The following DIAPH2 variants were observed in gnomAD, a reference collection of about 807,000 sequenced individuals.
DIAPH2 encodes the protein protein diaphanous homolog 2.
Under a neutral mutation model 92.7 loss-of-function variants are expected in DIAPH2, and 35 were observed. That is an observed-to-expected ratio of 0.38 (90% CI 0.29 to 0.50). DIAPH2 has a LOEUF of 0.50. DIAPH2 is among the 20% of genes least tolerant of loss of function. The pLI is 0.94. For missense variants in DIAPH2, 701 were observed against 819.5 expected, an observed-to-expected ratio of 0.86 and a Z score of 1.77; for synonymous variants, 301 against 280.4, an observed-to-expected ratio of 1.07 and a Z score of -0.73.
intron 4 of DIAPH2, among the ~76,000 whole-genome samples, chrX:96,875,809 C>T (rs1267368174): frequency 9.1e-6 from 1 of 110,400 alleles, no homozygotes; most frequent in Non-Finnish European, 1.9e-5. Context: ...ACCATAAAAC[C>T]CTAGAAGAAA....
intron 26 of DIAPH2, 76 bp downstream of exon 26, chrX:97,429,821 AAGG>A: frequency 1.0e-6 from 1 of 961,010 alleles, no homozygotes; most frequent in Non-Finnish European, 1.4e-6. Flanking sequence ...AAAAAAAAAA[AAGG>A]AAAAATAAAA....
At chrX:97,468,134 T>C (rs1409245927) in intron 26 of DIAPH2, among the ~76,000 whole-genome samples, 1 of 111,952 alleles carries the variant, frequency 8.9e-6, no homozygotes, top group African/African-American at 3.2e-5. Flanking sequence ...CCACATTGCA[T>C]CCCTTCTGCC....
chrX:96,714,613 T>C (rs1049612531), intron 1 of DIAPH2, among the ~76,000 whole-genome samples: 2 of 112,145 alleles, frequency 1.8e-5, no homozygotes, highest in African/African-American at 6.5e-5. Flanking sequence ...GTAAGCTCTA[T>C]GAAAGCATGG....
chrX:96,986,638 A>G (rs970023022), intron 17 of DIAPH2, among the ~76,000 whole-genome samples: 1 of 111,602 alleles, frequency 9.0e-6, no homozygotes, highest in Non-Finnish European at 1.9e-5. Context: ...TCATATTTAC[A>G]TAACAGAAAT....
chrX:97,494,005 T>G (rs1372929529), intron 26 of DIAPH2, among the ~76,000 whole-genome samples: 1 of 108,803 alleles, frequency 9.2e-6, no homozygotes, highest in Non-Finnish European at 1.9e-5. Flanking sequence ...TCACTTGAGG[T>G]CAGGAGTTTG....
chrX:97,478,970 A>G (rs1030559569), intron 26 of DIAPH2, among the ~76,000 whole-genome samples: 1 of 111,259 alleles, frequency 9.0e-6, no homozygotes, highest in Non-Finnish European at 1.9e-5. Flanking sequence ...ATTTTTTGGT[A>G]TATCAAACAT....
chrX:97,333,761 C>T (rs2069022527), intron 23 of DIAPH2, among the ~76,000 whole-genome samples: 2 of 110,402 alleles, frequency 1.8e-5, no homozygotes, highest in African/African-American at 6.6e-5. Context: ...GACGGGGTTT[C>T]ACCATGTTGG....
chrX:96,992,840 T>C (rs2066081275), intron 17 of DIAPH2, among the ~76,000 whole-genome samples: 1 of 111,879 alleles, frequency 8.9e-6, no homozygotes. Context: ...ATAAAGAGAC[T>C]ATCTTTAAGT....
At position 97,604,064 on chromosome X, in the gene DIAPH2, A is replaced by C. The variant is rs1440410762; in HGVS notation, c.*4747A>C. ...TATTATCTTGTTGTTTTGGAGGCCAAAAGTCCAAAATTGAGGGGTTGGCAG... is the reference window on the plus strand; with the variant it reads ...TATTATCTTGTTGTTTTGGAGGCCACAAGTCCAAAATTGAGGGGTTGGCAG... On this transcript the variant is annotated 3_prime_UTR_variant, in exon 27 of 27. Coordinates refer to ENST00000324765, the MANE Select transcript of DIAPH2 (RefSeq NM_006729.5). The C allele has an allele frequency of 8.9e-6, 1 of 112,338 alleles. No individual in the cohort carries two copies. Among genetic ancestry groups the C allele is most frequent in the East Asian group, 2.8e-4 (1 of 3,581 alleles). 9.3% of individuals were successfully genotyped at this position (112,338 alleles called of 1,213,427 possible).
At chrX:96,979,586 T>C (rs1190934435) in intron 17 of DIAPH2, among the ~76,000 whole-genome samples, 2 of 112,167 alleles carry the variant, frequency 1.8e-5, no homozygotes, top group African/African-American at 6.5e-5. Context: ...CAATTTACTA[T>C]CGTCTTGACT....
chrX:97,109,069 T>C (rs1408421733), intron 20 of DIAPH2, among the ~76,000 whole-genome samples: 1 of 111,493 alleles, frequency 9.0e-6, no homozygotes, highest in Non-Finnish European at 1.9e-5. Flanking sequence ...AATGAATACA[T>C]TTTCATGATG....
At chrX:97,389,039 C>CA (rs1468056723) in intron 25 of DIAPH2, among the ~76,000 whole-genome samples, 1 of 111,006 alleles carries the variant, frequency 9.0e-6, no homozygotes, top group African/African-American at 3.3e-5. Flanking sequence ...AATAGAAAGG[C>CA]AAAAAAGTGT....
intron 4 of DIAPH2, among the ~76,000 whole-genome samples, chrX:96,870,264 A>G (rs754664688): frequency 9.1e-6 from 1 of 109,622 alleles, no homozygotes; most frequent in South Asian, 3.9e-4. Context: ...TCCTTTATTT[A>G]TTTATTTTTT....
chrX:97,296,208 C>T (rs2068642047), intron 23 of DIAPH2, among the ~76,000 whole-genome samples: 1 of 111,422 alleles, frequency 9.0e-6, no homozygotes, highest in African/African-American at 3.3e-5. Context: ...CTTTCCCAAG[C>T]ATGGCTAGGT....
chrX:97,250,545 A>C (rs1474538978), intron 23 of DIAPH2, among the ~76,000 whole-genome samples: 1 of 112,064 alleles, frequency 8.9e-6, no homozygotes, highest in Non-Finnish European at 1.9e-5. Flanking sequence ...TGAACAGTAC[A>C]CAAGATGATA....
chrX:97,080,043 C>T (rs953039326), intron 19 of DIAPH2, among the ~76,000 whole-genome samples: 9 of 111,359 alleles, frequency 8.1e-5, no homozygotes, highest in African/African-American at 2.9e-4. Context: ...TTATAAGGGA[C>T]ATCTGCATTC....
chrX:97,234,174 A>AC (rs201856319), intron 22 of DIAPH2, among the ~76,000 whole-genome samples: 1,924 of 106,848 alleles, frequency 0.018, 25 homozygotes, highest in African/African-American at 0.046. Flanking sequence ...AAATACAAAA[A>AC]AAAAAAATTA....
intron 22 of DIAPH2, among the ~76,000 whole-genome samples, chrX:97,214,785 C>T (rs1430978137): frequency 1.0e-5 from 1 of 98,975 alleles, no homozygotes; most frequent in African/African-American, 3.8e-5. Flanking sequence ...AAGCTGAGAT[C>T]GCACCATTGT....
chrX:96,794,538 T>C (rs1353852506), intron 4 of DIAPH2, among the ~76,000 whole-genome samples: 1 of 105,040 alleles, frequency 9.5e-6, no homozygotes, highest in Non-Finnish European at 1.9e-5. Context: ...AAAAAAAAAG[T>C]CTGATAATAC....
Sources: gnomAD v4.1 joint callset for allele counts (sites outside exome capture counted in the v4.1 genomes callset) on GRCh38, gnomAD v4.1.1 for gene constraint, MANE v1.5 for transcripts, NCBI Gene and HGNC (gene_info 2026-07-23, HGNC 2026-07-21) for gene names.